ZCCHC4: variants seen among roughly 807,000 people sequenced by gnomAD.
ZCCHC4 encodes the protein rRNA N(6)-adenosine-methyltransferase ZCCHC4.
ZCCHC4 carries 54 observed loss-of-function variants against 67.7 expected under a neutral mutation model. That is an observed-to-expected ratio of 0.80 (90% CI 0.64 to 1.00). The LOEUF (loss-of-function observed/expected upper bound fraction) is 1.00, where lower values mean the gene tolerates loss of function less well. ZCCHC4 is among the 50% of genes least tolerant of loss of function. ZCCHC4 has a pLI of 0.00. For missense variants in ZCCHC4, 609 were observed against 617.0 expected, an observed-to-expected ratio of 0.99 and a Z score of 0.14; for synonymous variants, 198 against 213.5, an observed-to-expected ratio of 0.93 and a Z score of 0.63.
At chr4:25,357,244 T>G (rs1720554927) in intron 8 of ZCCHC4, among the ~76,000 whole-genome samples, 1 of 152,190 alleles carries the variant, frequency 6.6e-6, no homozygotes, top group East Asian at 1.9e-4. Context: ...ACATCCCCAA[T>G]TTGTTAAGCT....
intron 3 of ZCCHC4, among the ~76,000 whole-genome samples, chr4:25,327,426 T>TTCCCTCCTTCCCTCCTTCCCTCC (rs1218484287): frequency 1.1e-5 from 1 of 87,548 alleles, no homozygotes; most frequent in African/African-American, 5.7e-5. Context: ...CCTTCCCTCC[T>TTCCCTCCTTCCCTCCTTCCCTCC]TCCCTCCTTC....
chr4:25,365,806 GT>G (rs1403614066), intron 12 of ZCCHC4: 1 of 985,264 alleles, frequency 1.0e-6, no homozygotes, highest in Non-Finnish European at 1.2e-6. Context: ...TTCTGGAATA[GT>G]TATCCCCAAA....
At chr4:25,363,862 G>A (rs1260890351) in intron 10 of ZCCHC4, among the ~76,000 whole-genome samples, 1 of 152,194 alleles carries the variant, frequency 6.6e-6, no homozygotes, top group Non-Finnish European at 1.5e-5. Flanking sequence ...TATTTGGAGG[G>A]GAAGGGAGGG....
intron 10 of ZCCHC4, 104 bp downstream of exon 10, chr4:25,362,405 A>G: frequency 1.6e-6 from 1 of 625,748 alleles, no homozygotes; most frequent in South Asian, 3.6e-5. Flanking sequence ...TAGGATTTGT[A>G]TTAATATGTA....
Position 25,369,061 on chromosome 4 carries a change from A to G in ZCCHC4, c.1439A>G (p.Asn480Ser), listed in dbSNP as rs751107181. ...AVRKQKQRKSNKMKMETTKGQ... is the reference protein window; with the variant it reads ...AVRKQKQRKSSKMKMETTKGQ... Reference sequence around the variant, plus strand: ...AGAAAGCAGAAGCAAAGAAAAAGTAATAAGATGAAAATGGAGACCACGAAA... The same window carrying G: ...AGAAAGCAGAAGCAAAGAAAAAGTAGTAAGATGAAAATGGAGACCACGAAA... Residue 480 changes from asparagine to serine, a missense_variant, in exon 13 of 13, where the codon AAT (asparagine) becomes AGT (serine). Asn to Ser is a conservative substitution (Grantham distance 46). Coordinates refer to ENST00000302874, the MANE Select transcript of ZCCHC4 (RefSeq NM_024936.3). 8 of 1,612,486 alleles carry G rather than the reference A, an allele frequency of 5.0e-6. No homozygotes were observed. Among genetic ancestry groups the G allele is most frequent in the Non-Finnish European group, 6.8e-6 (8 of 1,179,680 alleles).
At chr4:25,334,443 T>C (rs1230556765) in intron 5 of ZCCHC4, among the ~76,000 whole-genome samples, 1 of 152,096 alleles carries the variant, frequency 6.6e-6, no homozygotes, top group Non-Finnish European at 1.5e-5. Context: ...TAGCCTGGAG[T>C]GAAGGGAGTG....
At chr4:25,351,526 C>T (rs1720294786) in intron 7 of ZCCHC4, 63 bp from the exon 8 acceptor site, 2 of 1,116,924 alleles carry the variant, frequency 1.8e-6, no homozygotes, top group East Asian at 4.9e-5. Flanking sequence ...GGAAGTTTTT[C>T]TACTGTAGCC....
intron 8 of ZCCHC4, among the ~76,000 whole-genome samples, chr4:25,355,531 T>C (rs1328175467): frequency 1.3e-5 from 2 of 152,194 alleles, no homozygotes; most frequent in Admixed American, 6.5e-5. Flanking sequence ...GATGTTCTGC[T>C]CTCTCTTGTA....
chr4:25,367,238 G>A (rs1001028177), intron 12 of ZCCHC4, among the ~76,000 whole-genome samples: 11 of 151,994 alleles, frequency 7.2e-5, no homozygotes, highest in Non-Finnish European at 1.6e-4. Flanking sequence ...CATTTTATCA[G>A]TTACATAAAT....
intron 8 of ZCCHC4, among the ~76,000 whole-genome samples, chr4:25,356,640 C>A (rs1173179604): frequency 6.6e-6 from 1 of 151,420 alleles, no homozygotes; most frequent in Non-Finnish European, 1.5e-5. Flanking sequence ...AAATATTATT[C>A]TCCAACATTT....
chr4:25,329,749 G>T (rs1560402543), intron 3 of ZCCHC4, among the ~76,000 whole-genome samples: 1 of 151,896 alleles, frequency 6.6e-6, no homozygotes, highest in Non-Finnish European at 1.5e-5. Context: ...TGGCCAGGAT[G>T]GTCTCGATCT....
intron 8 of ZCCHC4, among the ~76,000 whole-genome samples, chr4:25,352,819 A>C (rs1200219138): frequency 6.6e-6 from 1 of 152,236 alleles, no homozygotes; most frequent in Non-Finnish European, 1.5e-5. Context: ...TAGCTGTTGC[A>C]AGCTAGCACT....
At chr4:25,324,622 A>G (rs1273142137) in intron 3 of ZCCHC4, among the ~76,000 whole-genome samples, 1 of 152,188 alleles carries the variant, frequency 6.6e-6, no homozygotes, top group Non-Finnish European at 1.5e-5. Context: ...AATTTTTCCA[A>G]AACTGCCAAA....
chr4:25,319,363 C>T lies in ZCCHC4; in HGVS notation c.329+3963C>T, dbSNP rs140200120. On this transcript the variant is annotated intron_variant, in intron 3 of 12. Coordinates refer to ENST00000302874, the MANE Select transcript of ZCCHC4 (RefSeq NM_024936.3). ...TTGCGCCACTGCACTCCAGCCTGGG[C>T]GAGAGAGCGAGACTCCGTCTCAAAG... is the stretch of plus-strand genomic sequence containing the variant. Among the ~76,000 whole-genome samples the T allele has an allele frequency of 5.9e-3, 876 of 149,376 alleles. 12 individuals carry two copies. The highest frequency in any genetic ancestry group is 0.028 in the Middle Eastern group (8 of 290).
Position 25,333,216 on chromosome 4 carries a change from G to C in ZCCHC4, c.363G>C (p.Gln121His), listed in dbSNP as rs778136345. The C allele has an allele frequency of 2.5e-6, 4 of 1,614,094 alleles. No homozygotes were observed. The Admixed American group carries it at 6.7e-5, about 27-fold the overall frequency. ...AGTTTATTGAGTTGCCCTTGACTCA[G>C]AGAAAGTTTTGTCAAACATGTCAGC... ...YLKFIELPLT[Q>H]RKFCQTCQQL... is the part of the protein sequence containing the mutation. The change falls in exon 4 of 13, where the codon CAG (glutamine) becomes CAC (histidine). Residue 121 changes from glutamine to histidine, a missense_variant. Gln to His is a conservative substitution (Grantham distance 24). Coordinates refer to ENST00000302874, the MANE Select transcript of ZCCHC4 (RefSeq NM_024936.3).
chr4:25,327,177 T>A (rs1409530617), intron 3 of ZCCHC4, among the ~76,000 whole-genome samples: 1 of 152,222 alleles, frequency 6.6e-6, no homozygotes, highest in Non-Finnish European at 1.5e-5. Context: ...ATGTCTTTTG[T>A]TTTTTTATCT....
chr4:25,327,944 T>C (rs940806037), intron 3 of ZCCHC4, among the ~76,000 whole-genome samples: 1 of 152,238 alleles, frequency 6.6e-6, no homozygotes, highest in Non-Finnish European at 1.5e-5. Context: ...CTATATTTCG[T>C]CATGATGTAA....
chr4:25,313,796 G>T (rs1718089700), intron 1 of ZCCHC4, among the ~76,000 whole-genome samples: 1 of 152,140 alleles, frequency 6.6e-6, no homozygotes, highest in African/African-American at 2.4e-5. Context: ...AGGCTAGGAA[G>T]CAGGATCTCA....
chr4:25,333,806 A>G (rs1005422047), intron 4 of ZCCHC4, 102 bp from the exon 5 acceptor site: 1 of 865,330 alleles, frequency 1.2e-6, no homozygotes, highest in African/African-American at 1.7e-5. Context: ...TCATTGAAAT[A>G]TCATAAATAC....
Sources: allele counts gnomAD v4.1 joint callset (sites outside exome capture counted in the v4.1 genomes callset), GRCh38; gene constraint gnomAD v4.1.1; transcripts MANE v1.5; gene names NCBI Gene and HGNC (gene_info 2026-07-23, HGNC 2026-07-21).